Variants in ALK observed in about 807,000 individuals in gnomAD.
ALK encodes the protein ALK tyrosine kinase receptor.
A neutral mutation model predicts 163.1 loss-of-function variants in ALK; 74 were observed. That is an observed-to-expected ratio of 0.45 (90% CI 0.38 to 0.55). The LOEUF (loss-of-function observed/expected upper bound fraction) is 0.55. Ranked by LOEUF, ALK falls within the 20% of genes least tolerant of loss-of-function variation. The probability of loss-of-function intolerance (pLI) is 0.00; values close to 1 mark genes in which losing one functional copy is unlikely to be tolerated. For synonymous variants in ALK, 960 were observed against 843.2 expected (o/e 1.14, Z -2.40); for missense variants, 2,063 against 2,105.3 (o/e 0.98, Z 0.39).
chr2:29,688,046 T>C (rs1678288587), intron 3 of ALK, among the ~76,000 whole-genome samples: 1 of 152,238 alleles, frequency 6.6e-6, no homozygotes, highest in Non-Finnish European at 1.5e-5. Context: ...ATCTCGACTT[T>C]GGAGAGTTAG....
rs2148178790 is a variant in ALK at position 29,227,089 on chromosome 2, G to A, written c.2915-15C>T. 6.2e-7 allele frequency: 1 copy of A among 1,614,100 alleles called. No individual in the cohort carries two copies. Among genetic ancestry groups the A allele is most frequent in the Non-Finnish European group, 8.5e-7 (1 of 1,180,012 alleles). On this transcript the variant is annotated splice_polypyrimidine_tract_variant and intron_variant, in intron 17 of 28. Transcript: ENST00000389048. This position sits in a 1 kb window ranked among gnomAD's most constrained non-coding sequence, Gnocchi z 4.4. ...GCCTTCCATCACTAGTGACAAGGAGGGAGGGTCAGTCTTGGGCCGAGCCTG... is the reference window on the plus strand; with the variant it reads ...GCCTTCCATCACTAGTGACAAGGAGAGAGGGTCAGTCTTGGGCCGAGCCTG...
intron 4 of ALK, among the ~76,000 whole-genome samples, chr2:29,468,189 C>T (rs997640353): frequency 3.3e-5 from 5 of 152,138 alleles, no homozygotes; most frequent in African/African-American, 1.2e-4. Flanking sequence ...CCACCACACC[C>T]AGCTAATTTT....
chr2:29,532,911 C>A (rs1410974485), intron 3 of ALK, among the ~76,000 whole-genome samples: 3 of 152,242 alleles, frequency 2.0e-5, no homozygotes, highest in African/African-American at 7.2e-5. Flanking sequence ...CAGTGGGAAG[C>A]AGCTAATGAG....
intron 5 of ALK, among the ~76,000 whole-genome samples, chr2:29,376,784 C>T (rs1214207038): frequency 6.6e-6 from 1 of 152,218 alleles, no homozygotes; most frequent in East Asian, 1.9e-4. Context: ...GATTTTGGAG[C>T]CTACTCTAGA....
intron 1 of ALK, among the ~76,000 whole-genome samples, chr2:29,874,353 G>C (rs1666651827): frequency 6.6e-6 from 1 of 151,722 alleles, no homozygotes; most frequent in Admixed American, 6.6e-5. Flanking sequence ...ATAAACCTTG[G>C]CAATGACAAG....
At chr2:29,222,796 A>C (rs1669843153) in intron 20 of ALK, among the ~76,000 whole-genome samples, 189 bp from the exon 21 acceptor site, 1 of 152,214 alleles carries the variant, frequency 6.6e-6, no homozygotes, top group African/African-American at 2.4e-5. Context: ...CTTCACCTGA[A>C]AACTGGTAAG....
chr2:29,674,223 A>C (rs1203329612), intron 3 of ALK, among the ~76,000 whole-genome samples: 3 of 151,578 alleles, frequency 2.0e-5, no homozygotes, highest in Non-Finnish European at 4.4e-5. Context: ...TGAATAGGAG[A>C]GGTGAGAGAG....
intron 1 of ALK, among the ~76,000 whole-genome samples, chr2:29,892,989 C>T (rs1385984214): frequency 1.3e-5 from 2 of 152,130 alleles, no homozygotes; most frequent in African/African-American, 4.8e-5. Flanking sequence ...TTTATAAAGT[C>T]CTCCAGCCCA....
At chr2:29,547,634 A>C (rs113108713) in intron 3 of ALK, among the ~76,000 whole-genome samples, 1 of 152,178 alleles carries the variant, frequency 6.6e-6, no homozygotes, top group African/African-American at 2.4e-5. Context: ...TATGATCTAT[A>C]AGAAAGGCCA....
At chr2:29,304,427 G>A (rs961952617) in intron 8 of ALK, among the ~76,000 whole-genome samples, 24 of 150,796 alleles carry the variant, frequency 1.6e-4, no homozygotes, top group Non-Finnish European at 1.0e-4. Context: ...CCTGGGAGGC[G>A]GAGGTTGTAG....
At chr2:29,347,580 G>A (rs1667989081) in intron 5 of ALK, among the ~76,000 whole-genome samples, 1 of 152,218 alleles carries the variant, frequency 6.6e-6, no homozygotes, top group Non-Finnish European at 1.5e-5. Flanking sequence ...AAGAATTTGG[G>A]AAGTCTGTGT....
chr2:29,563,744 T>C (rs1168047108), intron 3 of ALK, among the ~76,000 whole-genome samples: 1 of 152,204 alleles, frequency 6.6e-6, no homozygotes, highest in African/African-American at 2.4e-5. Context: ...AAATGAACTA[T>C]GGGGGGAGTT....
At chr2:29,775,585 G>C (rs2879483) in intron 1 of ALK, among the ~76,000 whole-genome samples, 113,041 of 151,686 alleles carry the variant, frequency 0.75, 42,745 homozygotes, top group Non-Finnish European at 0.83. Context: ...GAGAGAATGG[G>C]TCTCTCTGTT....
intron 3 of ALK, among the ~76,000 whole-genome samples, chr2:29,563,345 T>C (rs1303448745): frequency 6.6e-6 from 1 of 152,170 alleles, no homozygotes; most frequent in Non-Finnish European, 1.5e-5. Flanking sequence ...GGAGAGTCTA[T>C]ATAGGAATTG....
chr2:29,254,738 G>C (rs546373790), intron 11 of ALK, among the ~76,000 whole-genome samples: 9 of 152,318 alleles, frequency 5.9e-5, no homozygotes, highest in Admixed American at 5.2e-4. Context: ...CAGCATTAGA[G>C]ATGCACAATG....
chr2:29,274,846 G>A (rs564354933), intron 11 of ALK, among the ~76,000 whole-genome samples: 7 of 152,318 alleles, frequency 4.6e-5, no homozygotes, highest in Admixed American at 4.6e-4. Flanking sequence ...TCTCCTTTGG[G>A]TGGGGCCTAG....
At chr2:29,245,625 T>C (rs1449151894) in intron 12 of ALK, among the ~76,000 whole-genome samples, 5 of 114,552 alleles carry the variant, frequency 4.4e-5, no homozygotes, top group South Asian at 6.5e-4. Flanking sequence ...GTAGGGGCTT[T>C]ATGGCTCAGT....
chr2:29,344,138 C>T lies in ALK; in HGVS notation c.1283-15657G>A, dbSNP rs557968077. Among the ~76,000 whole-genome samples, 3 of 152,300 alleles carry T rather than the reference C, an allele frequency of 2.0e-5. No individual in the cohort carries two copies. The South Asian group carries it at 6.2e-4, about 32-fold the overall frequency. On this transcript the variant is annotated intron_variant, in intron 5 of 28. Coordinates refer to ENST00000389048, the MANE Select transcript of ALK (RefSeq NM_004304.5). ...CAATGAGGAAAATGTGGATGACAAT[C>T]TTCAGGCCATCCTGTATACTAGGAC...
At chr2:29,887,448 C>T (rs1274351096) in intron 1 of ALK, among the ~76,000 whole-genome samples, 1 of 152,150 alleles carries the variant, frequency 6.6e-6, no homozygotes, top group Non-Finnish European at 1.5e-5. Flanking sequence ...CCTTTTCTGT[C>T]CTATGCTCAG....
Sources: gnomAD v4.1 joint callset for allele counts (sites outside exome capture counted in the v4.1 genomes callset) on GRCh38, gnomAD v4.1.1 for gene constraint, Gnocchi (gnomAD v3.1) non-coding constraint, MANE v1.5 for transcripts, NCBI Gene and HGNC (gene_info 2026-07-23, HGNC 2026-07-21) for gene names.